Variants in RALGAPA1 observed in about 807,000 individuals in gnomAD.
RALGAPA1 encodes the protein Ral GTPase activating protein catalytic subunit alpha 1.
Under a neutral mutation model 269.6 loss-of-function variants are expected in RALGAPA1, and 52 were observed. The ratio of observed to expected loss-of-function variants is 0.19; its 90% CI spans 0.15 to 0.24. The LOEUF (loss-of-function observed/expected upper bound fraction) is 0.24, where lower values mean the gene tolerates loss of function less well. RALGAPA1 is among the 10% of genes least tolerant of loss of function. The probability of loss-of-function intolerance (pLI) is 1.00; values close to 1 mark genes in which losing one functional copy is unlikely to be tolerated. For missense variants in RALGAPA1, 1,917 were observed against 3,013.9 expected (o/e 0.64, Z 8.52); for synonymous variants, 817 against 1,008.3 (o/e 0.81, Z 3.60).
In RALGAPA1 at chr14:35,627,220, C is replaced by T. The variant is rs1239828156; in HGVS notation, c.6727G>A (p.Glu2243Lys). The change falls in exon 34 of 42, where the codon GAG becomes AAG. Residue 2243 changes from glutamate (E) to lysine (K), a missense_variant. Glu to Lys is a moderately conservative substitution (Grantham distance 56). Transcript: ENST00000680220. Reference protein sequence around the residue: ...KQHTEEKEFVEKHFNDLNMKA... With the variant: ...KQHTEEKEFVKKHFNDLNMKA... ...ATGTTTAAGTCATTAAAGTGCTTCT[C>T]AACAAATTCTTTTTCTTCTGTATGT... 1 of 1,601,400 alleles carries T rather than the reference C, an allele frequency of 6.2e-7. No individual in the cohort carries two copies. The highest frequency in any genetic ancestry group is 8.5e-7 in the Non-Finnish European group (1 of 1,177,002).
In RALGAPA1 at chr14:35,717,607, A is replaced by T. The variant is rs962819508; in HGVS notation, c.2266+4081T>A. 3.9e-5 allele frequency among the ~76,000 whole-genome samples: 6 copies of T among 152,198 alleles called. No homozygotes were observed. In the South Asian group the frequency reaches 8.3e-4, roughly 21 times the overall value. On this transcript the variant is annotated intron_variant, in intron 16 of 41. Coordinates refer to ENST00000680220, the MANE Select transcript of RALGAPA1 (RefSeq NM_001346249.2). ...ACAAGAGTCTCGCTCTGCCTAGTGC[A>T]GTGGTACAATCTTGGCTCACTGCAA...
At chr14:35,606,050 C>G (rs997061615) in intron 35 of RALGAPA1, among the ~76,000 whole-genome samples, 4 of 152,188 alleles carry the variant, frequency 2.6e-5, no homozygotes, top group African/African-American at 9.7e-5. Flanking sequence ...TAAGAGTTGT[C>G]TGTTTTGCAA....
chr14:35,778,785 C>T (rs966856099), intron 1 of RALGAPA1, among the ~76,000 whole-genome samples: 1 of 152,166 alleles, frequency 6.6e-6, no homozygotes, highest in Non-Finnish European at 1.5e-5. Context: ...CACTTACTAC[C>T]TATGTGACTT....
At position 35,688,855 on chromosome 14, in the gene RALGAPA1, T is replaced by C. The variant is rs1280669524; in HGVS notation, c.3556A>G (p.Ser1186Gly). The C allele has an allele frequency of 1.4e-4, 186 of 1,291,846 alleles. No individual in the cohort carries two copies. Among genetic ancestry groups the C allele is most frequent in the Non-Finnish European group, 1.8e-4 (180 of 1,022,904 alleles). The allele number at this position is 1,291,846 out of a possible 1,614,324, so 80.0% of individuals were successfully genotyped here. A position where few individuals can be genotyped will look rare whatever the true frequency, so the allele number is the denominator to read the frequency against. ...MRLRKLGGFS[S>G]GSSNSSTSNT... ...CTAGTGCTGCTATTGCTGCTACCACTACTAAAGCCACCGAGCTTCCGCAGT... is the reference window on the plus strand; with the variant it reads ...CTAGTGCTGCTATTGCTGCTACCACCACTAAAGCCACCGAGCTTCCGCAGT... Residue 1186 changes from serine (S) to glycine (G), a missense_variant, in exon 18 of 42, where the codon AGT becomes GGT. Ser to Gly is a moderately conservative substitution (Grantham distance 56). Coordinates refer to ENST00000680220, the MANE Select transcript of RALGAPA1 (RefSeq NM_001346249.2).
At chr14:35,719,111 T>C (rs2069135389) in intron 16 of RALGAPA1, among the ~76,000 whole-genome samples, 1 of 152,064 alleles carries the variant, frequency 6.6e-6, no homozygotes, top group South Asian at 2.1e-4. Context: ...GGTGGATCAC[T>C]TGAGGTCAGG....
intron 35 of RALGAPA1, among the ~76,000 whole-genome samples, chr14:35,613,140 G>T (rs1251025142): frequency 6.6e-6 from 1 of 151,196 alleles, no homozygotes; most frequent in Non-Finnish European, 1.5e-5. Context: ...GGAGGGCAGT[G>T]GCACGATGTT....
At chr14:35,707,807 T>C (rs1035570557) in intron 16 of RALGAPA1, among the ~76,000 whole-genome samples, 4 of 152,218 alleles carry the variant, frequency 2.6e-5, no homozygotes, top group African/African-American at 9.6e-5. Flanking sequence ...TATCTAGTTC[T>C]TCTTGTATGA....
rs191426720 is a variant in RALGAPA1, at chr14:35,766,686, T to C, written c.326-3933A>G. 9 of 623,276 alleles carry C rather than the reference T, an allele frequency of 1.4e-5. No homozygotes were observed. The African/African-American group carries it at 1.5e-4, about 10-fold the overall frequency. 38.6% of individuals were successfully genotyped at this position (623,276 alleles called of 1,614,324 possible). The stretch of plus-strand genomic sequence containing the variant: ...AATTCTCTCAGGAAATGTTTTCTTG[T>C]TAAAATAAAAATATGAAAATTATTT... On this transcript the variant is annotated intron_variant, in intron 4 of 41. Coordinates refer to ENST00000680220, the MANE Select transcript of RALGAPA1 (RefSeq NM_001346249.2).
chr14:35,629,046 G>C (rs1256243741), intron 33 of RALGAPA1, among the ~76,000 whole-genome samples: 1 of 152,160 alleles, frequency 6.6e-6, no homozygotes, highest in Non-Finnish European at 1.5e-5. Context: ...CGAGGTAAAG[G>C]AGAAAGGAGA....
At chr14:35,803,512 GA>G (rs2077125266) in intron 1 of RALGAPA1, among the ~76,000 whole-genome samples, 1 of 151,684 alleles carries the variant, frequency 6.6e-6, no homozygotes, top group African/African-American at 2.4e-5. Context: ...CTTCTTCAAA[GA>G]AACAACTTCT....
At chr14:35,668,621 T>A (rs1469167987) in intron 26 of RALGAPA1, among the ~76,000 whole-genome samples, 1 of 152,280 alleles carries the variant, frequency 6.6e-6, no homozygotes, top group Admixed American at 6.5e-5. Flanking sequence ...GGTGAGACCC[T>A]GTTTCTACAA....
At chr14:35,705,600 A>G (rs2067735397) in intron 16 of RALGAPA1, among the ~76,000 whole-genome samples, 2 of 152,170 alleles carry the variant, frequency 1.3e-5, no homozygotes, top group Non-Finnish European at 2.9e-5. Flanking sequence ...ATCTTAGACA[A>G]TTACAACTAA....
chr14:35,787,823 C>T (rs995715094), intron 1 of RALGAPA1, among the ~76,000 whole-genome samples: 2 of 151,942 alleles, frequency 1.3e-5, no homozygotes, highest in African/African-American at 4.8e-5. Flanking sequence ...CTCAAGCAAT[C>T]CTCCTGCCTT....
intron 41 of RALGAPA1, 55 bp downstream of exon 41, chr14:35,548,453 G>A: frequency 7.4e-7 from 1 of 1,359,386 alleles, no homozygotes; most frequent in Non-Finnish European, 1.0e-6. Flanking sequence ...TGCTAATTTT[G>A]AAAAAAGGAA....
rs1566628637 is a variant in RALGAPA1, at chr14:35,539,566, G to T, written c.*148C>A. 6.2e-7 allele frequency: 1 copy of T among 1,612,916 alleles called. No individual in the cohort carries two copies. Among genetic ancestry groups the T allele is most frequent in the South Asian group, 1.1e-5 (1 of 91,012 alleles). The stretch of plus-strand genomic sequence containing the variant: ...CTTAGGATTTATTGGCTGAGCCAGA[G>T]GAACGACGCAGCTTCATGGACATGC... On this transcript the variant is annotated 3_prime_UTR_variant, in exon 42 of 42. Transcript: ENST00000680220.
intron 30 of RALGAPA1, among the ~76,000 whole-genome samples, chr14:35,652,995 A>G (rs1265439033): frequency 6.6e-6 from 1 of 152,210 alleles, no homozygotes; most frequent in Non-Finnish European, 1.5e-5. Context: ...TCCTCTAAAT[A>G]TACTTTATAC....
Position 35,806,243 on chromosome 14 carries a change from T to G in RALGAPA1, c.106+2487A>C, listed in dbSNP as rs182620422. Among the ~76,000 whole-genome samples the G allele has an allele frequency of 7.2e-5, 11 of 152,226 alleles. No homozygotes were observed. The South Asian group carries it at 1.7e-3, about 23-fold the overall frequency. On this transcript the variant is annotated intron_variant, in intron 1 of 41. Coordinates refer to ENST00000680220, the MANE Select transcript of RALGAPA1 (RefSeq NM_001346249.2). Reference sequence around the variant, plus strand: ...GAGGACTGAACTGTTAGCTGTAAAGTAGAACAAAACTAACACTAAGTCAAT... The same window carrying G: ...GAGGACTGAACTGTTAGCTGTAAAGGAGAACAAAACTAACACTAAGTCAAT...
At chr14:35,581,710 TA>T (rs1204506513) in intron 37 of RALGAPA1, among the ~76,000 whole-genome samples, 5 of 152,164 alleles carry the variant, frequency 3.3e-5, no homozygotes, top group South Asian at 2.1e-4. Context: ...TGGCTATAAT[TA>T]TTTTTTTAAA....
At chr14:35,713,555 A>G (rs1200688926) in intron 16 of RALGAPA1, among the ~76,000 whole-genome samples, 1 of 152,230 alleles carries the variant, frequency 6.6e-6, no homozygotes, top group Non-Finnish European at 1.5e-5. Context: ...GAGGAATCCA[A>G]AGTTTTTTGT....
Sources: gnomAD v4.1 joint callset for allele counts (sites outside exome capture counted in the v4.1 genomes callset) on GRCh38, gnomAD v4.1.1 for gene constraint, MANE v1.5 for transcripts, NCBI Gene and HGNC (gene_info 2026-07-23, HGNC 2026-07-21) for gene names.